Variants in ZNF746 observed in about 807,000 individuals in gnomAD.
ZNF746 encodes parkin-interacting substrate.
Under a neutral mutation model 41.0 loss-of-function variants are expected in ZNF746, and 13 were observed. That is an observed-to-expected ratio of 0.32 (90% CI 0.21 to 0.50). The LOEUF (loss-of-function observed/expected upper bound fraction) is 0.50. Ranked by LOEUF, ZNF746 falls within the 20% of genes least tolerant of loss-of-function variation. The probability of loss-of-function intolerance (pLI) is 0.98; values close to 1 mark genes in which losing one functional copy is unlikely to be tolerated. For synonymous variants in ZNF746, 424 were observed against 396.2 expected (o/e 1.07, Z -0.83); for missense variants, 811 against 922.9 (o/e 0.88, Z 1.57).
intron 4 of ZNF746, among the ~76,000 whole-genome samples, chr7:149,486,321 CAT>C (rs1800620626): frequency 6.6e-6 from 1 of 151,710 alleles, no homozygotes; most frequent in South Asian, 2.1e-4. Context: ...AATTTGAATA[CAT>C]GTCTTTTCTT....
At chr7:149,492,031 G>T (rs1800825549) in intron 4 of ZNF746, 3 of 701,978 alleles carry the variant, frequency 4.3e-6, no homozygotes, top group Non-Finnish European at 5.2e-6. Flanking sequence ...GTAGACCAAA[G>T]TAGCTCTACA....
At chr7:149,496,202 A>G (rs1408044505) in intron 1 of ZNF746, among the ~76,000 whole-genome samples, 3 of 152,198 alleles carry the variant, frequency 2.0e-5, no homozygotes, top group African/African-American at 7.2e-5. Flanking sequence ...TTAAGAAAAT[A>G]TTAGTCTTTT....
chr7:149,480,808 A>G (rs867770905), intron 4 of ZNF746, among the ~76,000 whole-genome samples: 3 of 152,318 alleles, frequency 2.0e-5, no homozygotes, highest in Middle Eastern at 3.4e-3. Flanking sequence ...TGAATAGTGA[A>G]CTAACTAGAA....
chr7:149,476,186 C>A (rs924900478), intron 6 of ZNF746, among the ~76,000 whole-genome samples: 1 of 151,860 alleles, frequency 6.6e-6, no homozygotes, highest in Non-Finnish European at 1.5e-5. Context: ...TGGTGGCGGG[C>A]ACCTGTAGTC....
intron 4 of ZNF746, chr7:149,489,367 C>G (rs1800728090): frequency 6.6e-6 from 1 of 152,086 alleles, no homozygotes; most frequent in South Asian, 2.1e-4. Context: ...AATGATTAAA[C>G]AGGTAAAAAT....
intron 4 of ZNF746, chr7:149,487,933 A>T (rs1204590062): frequency 6.6e-6 from 1 of 152,152 alleles, no homozygotes; most frequent in Admixed American, 6.5e-5. Context: ...ATAAAAGAAC[A>T]AATATCCAAG....
rs748983217 is a variant in ZNF746, at chr7:149,475,140, C to T, written c.1227G>A (p.Pro409=). 3.1e-6 allele frequency: 5 copies of T among 1,612,624 alleles called. No homozygotes were observed. Among genetic ancestry groups the T allele is most frequent in the Admixed American group, 3.3e-5 (2 of 59,946 alleles). The part of the protein sequence containing the change: ...FRCKPPVGLN[P]RTGPEGLPYS... Reference sequence around the variant, plus strand: ...AAGGAAGCCCCTCGGGCCCCGTCCTCGGGTTCAGGCCCACTGGCGGTTTAC... The same window carrying T: ...AAGGAAGCCCCTCGGGCCCCGTCCTTGGGTTCAGGCCCACTGGCGGTTTAC... Residue 409 remains proline, a synonymous_variant, in exon 7 of 7, where the codon CCG becomes CCA. Transcript: ENST00000458143.
In ZNF746 at chr7:149,494,934, G is replaced by C. The variant is rs538112922; in HGVS notation, c.25-431C>G. Among the ~76,000 whole-genome samples the C allele has an allele frequency of 6.8e-4, 104 of 151,868 alleles. No homozygotes were observed. The highest frequency in any genetic ancestry group is 1.0e-3 in the Non-Finnish European group (71 of 67,992). On this transcript the variant is annotated intron_variant, in intron 1 of 6. Coordinates refer to ENST00000458143, the MANE Select transcript of ZNF746 (RefSeq NM_001394198.1). The surrounding 1 kb of genome is among the most constrained non-coding windows in gnomAD (Gnocchi z 5.6). ...TGGTAAACTGCAGATTTACTAGAGCGCAGCCTGCACCTCCCCTCATGATTA... is the reference window on the plus strand; with the variant it reads ...TGGTAAACTGCAGATTTACTAGAGCCCAGCCTGCACCTCCCCTCATGATTA...
chr7:149,489,150 GGATA>G (rs1800715812), intron 4 of ZNF746: 1 of 151,448 alleles, frequency 6.6e-6, no homozygotes, highest in African/African-American at 2.4e-5. Flanking sequence ...TTTAAAATGT[GGATA>G]GAAAGAATAA....
At chr7:149,481,412 T>G (rs570134698) in intron 4 of ZNF746, among the ~76,000 whole-genome samples, 6 of 152,374 alleles carry the variant, frequency 3.9e-5, no homozygotes, top group African/African-American at 1.2e-4. Context: ...GTAAATGCTA[T>G]GTAGATAGTT....
chr7:149,490,907 T>TC (rs11380158), intron 4 of ZNF746: 152,463 of 152,464 alleles, frequency 1, 76,231 homozygotes, highest in Middle Eastern at 1. Context: ...GAGGACCCTG[T>TC]CCCAGTGGGC....
intron 3 of ZNF746, among the ~76,000 whole-genome samples, chr7:149,493,398 C>A (rs1402651960): frequency 2.0e-5 from 3 of 152,222 alleles, no homozygotes; most frequent in Admixed American, 1.3e-4. Flanking sequence ...GGTCTCACTG[C>A]CCTCGGCTCC....
rs2116636580 is a variant in ZNF746, at chr7:149,475,458, T to G, written c.909A>C (p.Thr303=). ...TEADVKIVIK[T]EVQEEEVVAT... Reference sequence around the variant, plus strand: ...CCACCACCTCCTCTTCCTGGACTTCTGTTTTTATTACAATTTTTACATCTG... The same window carrying G: ...CCACCACCTCCTCTTCCTGGACTTCGGTTTTTATTACAATTTTTACATCTG... The change falls in exon 7 of 7, where the codon ACA becomes ACC. Residue 303 remains threonine, a synonymous_variant. Transcript: ENST00000458143. The G allele has an allele frequency of 1.2e-6, 2 of 1,612,650 alleles. No individual in the cohort carries two copies. Among genetic ancestry groups the G allele is most frequent in the Middle Eastern group, 1.7e-4 (1 of 6,058 alleles).
intron 3 of ZNF746, among the ~76,000 whole-genome samples, chr7:149,493,230 A>G (rs569652465): frequency 6.6e-6 from 1 of 152,244 alleles, no homozygotes; most frequent in South Asian, 2.1e-4. Flanking sequence ...TCAACATCCT[A>G]CAATGCAGAG....
rs1012230857 is a variant in ZNF746, at chr7:149,485,037, G to A, written c.566-7282C>T. 4.0e-5 allele frequency among the ~76,000 whole-genome samples: 6 copies of A among 151,666 alleles called. No homozygotes were observed. In the South Asian group the frequency reaches 1.0e-3, roughly 26 times the overall value. ...ATAAAGGGCAGGGACATTGGAATGC[G>A]CTCTTGTGATAGGAGAAAAAGCATT... is the stretch of plus-strand genomic sequence containing the variant. On this transcript the variant is annotated intron_variant, in intron 4 of 6. Coordinates refer to ENST00000458143, the MANE Select transcript of ZNF746 (RefSeq NM_001394198.1).
intron 4 of ZNF746, chr7:149,491,879 C>A: frequency 1.4e-6 from 1 of 701,238 alleles, no homozygotes; most frequent in Non-Finnish European, 2.6e-6. Context: ...TTTGGTTTTT[C>A]TCCTGTGTCC....
At chr7:149,486,301 C>T (rs1800619958) in intron 4 of ZNF746, among the ~76,000 whole-genome samples, 1 of 151,946 alleles carries the variant, frequency 6.6e-6, no homozygotes, top group Non-Finnish European at 1.5e-5. Context: ...CACTTGACAT[C>T]ACCTGGAAAA....
Position 149,494,025 on chromosome 7 carries a change from C to A in ZNF746, c.415G>T (p.Val139Leu). ...AGCGTCTCGTAGTTGCCCCTCATCA[C>A]GTGCTTGTAGAGCTCCTTCTGCCAG... is the stretch of plus-strand genomic sequence containing the variant. Reference protein sequence around the residue: ...EDWQKELYKHVMRGNYETLVS... With the variant: ...EDWQKELYKHLMRGNYETLVS... The change falls in exon 3 of 7, where the codon GTG becomes TTG. Residue 139 changes from valine to leucine, a missense_variant. Physicochemically the swap from Val to Leu is conservative, Grantham distance 32 (BLOSUM62 1). Transcript: ENST00000458143. This position sits in a 1 kb window ranked among gnomAD's most constrained non-coding sequence, Gnocchi z 5.6. The A allele has an allele frequency of 6.2e-7, 1 of 1,614,210 alleles. No individual in the cohort carries two copies. Among genetic ancestry groups the A allele is most frequent in the Admixed American group, 1.7e-5 (1 of 60,024 alleles).
intron 5 of ZNF746, 61 bp downstream of exon 5, chr7:149,477,503 T>C: frequency 6.6e-7 from 1 of 1,523,292 alleles, no homozygotes; most frequent in Non-Finnish European, 8.9e-7. Context: ...CCACGAGCCC[T>C]CCCCTGTCCC....
Sources: gnomAD v4.1 joint callset for allele counts (sites outside exome capture counted in the v4.1 genomes callset) on GRCh38, gnomAD v4.1.1 for gene constraint, Gnocchi (gnomAD v3.1) non-coding constraint, MANE v1.5 for transcripts, NCBI Gene and HGNC (gene_info 2026-07-23, HGNC 2026-07-21) for gene names.